The following WWC1 variants were observed in gnomAD, a reference collection of about 807,000 sequenced individuals.
WWC1 encodes the protein WW and C2 domain containing 1.
A neutral mutation model predicts 138.4 loss-of-function variants in WWC1; 55 were observed. The observed-to-expected ratio is 0.40, with a 90% CI of 0.32 to 0.50. The LOEUF (loss-of-function observed/expected upper bound fraction) is 0.50. WWC1 is among the 20% of genes least tolerant of loss of function. The pLI, the probability that WWC1 is intolerant of heterozygous loss-of-function variation, is 0.72. For missense variants in WWC1, 1,226 were observed against 1,420.4 expected, an observed-to-expected ratio of 0.86 and a Z score of 2.20; for synonymous variants, 524 against 564.9, an observed-to-expected ratio of 0.93 and a Z score of 1.03.
chr5:168,464,517 G>T (rs567475976), intron 20 of WWC1, among the ~76,000 whole-genome samples: 1 of 152,326 alleles, frequency 6.6e-6, no homozygotes, highest in Admixed American at 6.5e-5. Flanking sequence ...TTATGGAAAT[G>T]AAGTGCTTAG....
At chr5:168,460,076 GC>G (rs913578400) in intron 19 of WWC1, among the ~76,000 whole-genome samples, 2 of 152,166 alleles carry the variant, frequency 1.3e-5, no homozygotes, top group African/African-American at 2.4e-5. Flanking sequence ...GTTACGATCT[GC>G]CCCATCATCT....
chr5:168,418,067 C>T (rs770255825), intron 9 of WWC1, among the ~76,000 whole-genome samples: 1 of 152,316 alleles, frequency 6.6e-6, no homozygotes, highest in East Asian at 1.9e-4. Flanking sequence ...TGTCTCCCCT[C>T]GCTCCTCTTT....
chr5:168,446,299 T>C (rs1333424019), intron 17 of WWC1, among the ~76,000 whole-genome samples: 1 of 148,888 alleles, frequency 6.7e-6, no homozygotes, highest in Non-Finnish European at 1.5e-5. Flanking sequence ...AGACATGCTA[T>C]TGCCGAAGAG....
At chr5:168,395,317 C>T (rs1042073659) in intron 3 of WWC1, among the ~76,000 whole-genome samples, 1 of 152,234 alleles carries the variant, frequency 6.6e-6, no homozygotes, top group Non-Finnish European at 1.5e-5. Context: ...CTCCGCCCCA[C>T]ACCCCTTGAG....
At chr5:168,446,386 A>G (rs1328985839) in intron 17 of WWC1, among the ~76,000 whole-genome samples, 1 of 152,042 alleles carries the variant, frequency 6.6e-6, no homozygotes, top group Non-Finnish European at 1.5e-5. Flanking sequence ...ATTCAGTGTT[A>G]TTTAATTCCT....
intron 1 of WWC1, among the ~76,000 whole-genome samples, chr5:168,350,606 C>T (rs1235955606): frequency 2.0e-5 from 3 of 152,176 alleles, no homozygotes; most frequent in Non-Finnish European, 4.4e-5. Flanking sequence ...TTTTTCTCCA[C>T]CCCAACATAA....
At chr5:168,409,238 C>T (rs969080056) in intron 7 of WWC1, among the ~76,000 whole-genome samples, 5 of 152,208 alleles carry the variant, frequency 3.3e-5, no homozygotes, top group Admixed American at 6.5e-5. Context: ...CAACATTGAA[C>T]GAATCTGCCT....
At chr5:168,409,483 G>A (rs1430942473) in intron 7 of WWC1, among the ~76,000 whole-genome samples, 3 of 152,186 alleles carry the variant, frequency 2.0e-5, no homozygotes, top group African/African-American at 4.8e-5. Context: ...GAGTGCAGGG[G>A]TCTTCTCCCC....
intron 19 of WWC1, among the ~76,000 whole-genome samples, chr5:168,460,144 T>C (rs942296434): frequency 1.3e-5 from 2 of 152,182 alleles, no homozygotes; most frequent in Admixed American, 6.5e-5. Flanking sequence ...TTTTTAAATA[T>C]CCATCTTGAC....
At chr5:168,441,532 A>G in intron 15 of WWC1, 150 bp from the exon 16 acceptor site, 1 of 608,858 alleles carries the variant, frequency 1.6e-6, no homozygotes, top group Non-Finnish European at 2.7e-6. Context: ...CTAATTGGAA[A>G]TGTTAACAAC....
intron 11 of WWC1, among the ~76,000 whole-genome samples, chr5:168,426,710 T>A (rs943601185): frequency 1.3e-5 from 2 of 152,178 alleles, no homozygotes; most frequent in Non-Finnish European, 2.9e-5. Flanking sequence ...ACTTGCAGTC[T>A]CCCAGACCCG....
intron 20 of WWC1, 115 bp from the exon 21 acceptor site, chr5:168,464,614 C>T: frequency 2.0e-6 from 3 of 1,474,194 alleles, no homozygotes; most frequent in Non-Finnish European, 2.7e-6. Context: ...GGGCAAGCCC[C>T]ATTCGGAAGG....
chr5:168,294,446 A>G (rs377582052), intron 1 of WWC1, among the ~76,000 whole-genome samples: 6 of 152,160 alleles, frequency 3.9e-5, no homozygotes, highest in Non-Finnish European at 4.4e-5. Context: ...CAGGGTTAGT[A>G]TATTTTAGCT....
At chr5:168,439,470 CAAA>C (rs34911162) in intron 15 of WWC1, among the ~76,000 whole-genome samples, 1,612 of 137,206 alleles carry the variant, frequency 0.012, 23 homozygotes, top group African/African-American at 0.037. Flanking sequence ...ACTAAAAATA[CAAA>C]AAAAAAAAAA....
At chr5:168,422,571 T>C (rs1001573697) in intron 10 of WWC1, among the ~76,000 whole-genome samples, 1 of 151,988 alleles carries the variant, frequency 6.6e-6, no homozygotes, top group Non-Finnish European at 1.5e-5. Flanking sequence ...GCCGAGATTG[T>C]GCTACTGCAC....
Position 168,408,609 on chromosome 5 carries a change from A to C in WWC1, c.823A>C (p.Lys275Gln), listed in dbSNP as rs1779991457. 1 of 1,614,150 alleles carries C rather than the reference A, an allele frequency of 6.2e-7. No individual in the cohort carries two copies. Among genetic ancestry groups the C allele is most frequent in the Non-Finnish European group, 8.5e-7 (1 of 1,180,022 alleles). Residue 275 changes from lysine to glutamine, a missense_variant, in exon 7 of 23, where the codon AAA (lysine) becomes CAA (glutamine). Transcript: ENST00000265293. ...SLESSSFPLP[K>Q]QYLDVSSQTD... is the part of the protein sequence containing the mutation. ...GGAGAGTTCGAGTTTCCCGCTACCG[A>C]AACAGTACCTGGATGTGAGCTCCCA...
chr5:168,295,334 A>G (rs1036491457), intron 1 of WWC1, among the ~76,000 whole-genome samples: 1 of 152,174 alleles, frequency 6.6e-6, no homozygotes, highest in Admixed American at 6.5e-5. Flanking sequence ...GGCTATGAGA[A>G]AAAGGAAGAA....
chr5:168,391,760 CATATAT>C (rs70976481), intron 3 of WWC1, among the ~76,000 whole-genome samples: 17,499 of 110,464 alleles, frequency 0.16, 1,396 homozygotes, highest in South Asian at 0.2. Context: ...ATTTTTAAGG[CATATAT>C]ATATATATAT....
chr5:168,314,680 C>G (rs1302926466), intron 1 of WWC1, among the ~76,000 whole-genome samples: 1 of 152,198 alleles, frequency 6.6e-6, no homozygotes, highest in African/African-American at 2.4e-5. Context: ...AACCCTGGCC[C>G]CAGCCAGGGG....
Sources: allele counts gnomAD v4.1 joint callset (sites outside exome capture counted in the v4.1 genomes callset), GRCh38; gene constraint gnomAD v4.1.1; transcripts MANE v1.5; gene names NCBI Gene and HGNC (gene_info 2026-07-23, HGNC 2026-07-21).